Variants in ZNF653 observed in about 807,000 individuals in gnomAD.
ZNF653 encodes zinc finger protein 653.
ZNF653 carries 37 observed loss-of-function variants against 59.9 expected under a neutral mutation model. That is an observed-to-expected ratio of 0.62 (90% CI 0.48 to 0.81). ZNF653 has a LOEUF of 0.81. Among genes scored for constraint, ZNF653 ranks in the 40% least tolerant of loss-of-function variants. ZNF653 has a pLI of 0.00. For synonymous variants in ZNF653, 435 were observed against 371.8 expected (o/e 1.17, Z -1.96); for missense variants, 808 against 881.1 (o/e 0.92, Z 1.05).
At chr19:11,503,578 C>A (rs745391474) in intron 1 of ZNF653, among the ~76,000 whole-genome samples, 1 of 151,888 alleles carries the variant, frequency 6.6e-6, no homozygotes, top group Non-Finnish European at 1.5e-5. Flanking sequence ...AGGCTGAGGA[C>A]GGAGGATCCC....
intron 1 of ZNF653, chr19:11,505,249 C>T (rs1971699396): frequency 2.2e-6 from 1 of 448,016 alleles, no homozygotes; most frequent in Non-Finnish European, 3.9e-6. Context: ...GCCAAGCGCT[C>T]AGAAGGCGGG....
chr19:11,491,203 C>T (rs1971526218), intron 3 of ZNF653, among the ~76,000 whole-genome samples: 1 of 152,190 alleles, frequency 6.6e-6, no homozygotes, highest in African/African-American at 2.4e-5. Context: ...CTCTTCCTGG[C>T]ACCAGCACCG....
chr19:11,491,467 A>AG (rs1473075504), intron 3 of ZNF653, among the ~76,000 whole-genome samples: 1 of 152,174 alleles, frequency 6.6e-6, no homozygotes, highest in African/African-American at 2.4e-5. Context: ...CGAGAGCTGG[A>AG]GTGCGTCTGT....
At chr19:11,493,649 C>T (rs1426390575) in intron 3 of ZNF653, among the ~76,000 whole-genome samples, 1 of 152,222 alleles carries the variant, frequency 6.6e-6, no homozygotes, top group Non-Finnish European at 1.5e-5. Flanking sequence ...GAGCACGCGT[C>T]TGGGTCCACC....
intron 3 of ZNF653, among the ~76,000 whole-genome samples, chr19:11,493,387 G>A (rs1477961258): frequency 6.6e-6 from 1 of 152,152 alleles, no homozygotes; most frequent in East Asian, 1.9e-4. Context: ...GAGTAAATAT[G>A]TATAAGGGTT....
At chr19:11,493,932 T>C (rs1043099730) in intron 3 of ZNF653, among the ~76,000 whole-genome samples, 2 of 151,760 alleles carry the variant, frequency 1.3e-5, no homozygotes, top group Admixed American at 6.6e-5. Context: ...GGTGGGAGGA[T>C]CACTTGAGCC....
Position 11,495,812 on chromosome 19 carries a change from T to G in ZNF653, c.559+138A>C. 2 of 875,648 alleles carry G rather than the reference T, an allele frequency of 2.3e-6. No individual in the cohort carries two copies. The highest frequency in any genetic ancestry group is 3.5e-6 in the Non-Finnish European group (2 of 573,682). The allele number at this position is 875,648 out of a possible 1,614,324, so 54.2% of individuals were successfully genotyped here. On this transcript the variant is annotated intron_variant, in intron 3 of 8. Transcript: ENST00000293771. The surrounding 1 kb of genome is among the most constrained non-coding windows in gnomAD (Gnocchi z 4.9). ...ACGAAGGACTCAGCCTGGCCCATCG[T>G]GTCCCTGCTCTGCCCCAGTGCCAGA...
chr19:11,491,493 A>ATCACCTCCTGTCC, intron 3 of ZNF653, among the ~76,000 whole-genome samples: 1 of 152,230 alleles, frequency 6.6e-6, no homozygotes, highest in African/African-American at 2.4e-5. Flanking sequence ...GAGGTGTTCC[A>ATCACCTCCTGTCC]TCACCTCCTG....
At chr19:11,490,094 T>A (rs888531283) in intron 3 of ZNF653, among the ~76,000 whole-genome samples, 1 of 152,242 alleles carries the variant, frequency 6.6e-6, no homozygotes, top group African/African-American at 2.4e-5. Flanking sequence ...TGGGCTACCC[T>A]GTATGTCTGA....
At chr19:11,490,302 C>T (rs570279723) in intron 3 of ZNF653, among the ~76,000 whole-genome samples, 3 of 152,198 alleles carry the variant, frequency 2.0e-5, no homozygotes, top group Non-Finnish European at 4.4e-5. Flanking sequence ...ATGCCCTCTC[C>T]GGGGGTACCA....
At chr19:11,485,611 T>C in intron 7 of ZNF653, 45 bp downstream of exon 7, 1 of 1,520,220 alleles carries the variant, frequency 6.6e-7, no homozygotes, top group South Asian at 1.1e-5. Flanking sequence ...CAGGCCCATG[T>C]CCCTGTGTCC....
At chr19:11,503,680 T>C (rs1971670592) in intron 1 of ZNF653, among the ~76,000 whole-genome samples, 1 of 151,482 alleles carries the variant, frequency 6.6e-6, no homozygotes, top group Non-Finnish European at 1.5e-5. Context: ...AGGTGGCTCC[T>C]CTGTAGTCCC....
rs1285183435 is a variant in ZNF653 at position 11,498,316 on chromosome 19, T to C, written c.323A>G (p.Lys108Arg). 1.2e-6 allele frequency: 2 copies of C among 1,613,982 alleles called. No homozygotes were observed. The highest frequency in any genetic ancestry group is 1.7e-6 in the Non-Finnish European group (2 of 1,179,948). Residue 108 changes from lysine (K) to arginine (R), a missense_variant, in exon 2 of 9, where the codon AAA (lysine) becomes AGA (arginine). Coordinates refer to ENST00000293771, the MANE Select transcript of ZNF653 (RefSeq NM_138783.4). Reference protein sequence around the residue: ...RHGKPWEQVPKKPKRKKRRRR... With the variant: ...RHGKPWEQVPRKPKRKKRRRR... Reference sequence around the variant, plus strand: ...CTTACTTTTCTTCCGCTTTGGCTTTTTGGGGACCTGCTCCCAAGGCTTCCT... The same window carrying C: ...CTTACTTTTCTTCCGCTTTGGCTTTCTGGGGACCTGCTCCCAAGGCTTCCT...
chr19:11,489,164 T>C lies in ZNF653; in HGVS notation c.560-1261A>G, dbSNP rs117231518. Reference sequence around the variant, plus strand: ...ATCCATCCACCTCGGCTCCCCAAAGTGCTAGAATTATAGTCATGAGCCACC... The same window carrying C: ...ATCCATCCACCTCGGCTCCCCAAAGCGCTAGAATTATAGTCATGAGCCACC... On this transcript the variant is annotated intron_variant, in intron 3 of 8. Transcript: ENST00000293771. Among the ~76,000 whole-genome samples the C allele has an allele frequency of 5.9e-3, 894 of 151,742 alleles. 7 individuals are homozygous for C. The highest frequency in any genetic ancestry group is 0.01 in the Middle Eastern group (3 of 292).
chr19:11,504,715 C>T (rs1971688879), intron 1 of ZNF653: 2 of 294,638 alleles, frequency 6.8e-6, no homozygotes, highest in Admixed American at 6.5e-5. Context: ...AAACGTCATC[C>T]TCGTAAAAGT....
chr19:11,488,041 G>C, intron 3 of ZNF653, 138 bp from the exon 4 acceptor site: 2 of 854,970 alleles, frequency 2.3e-6, no homozygotes, highest in Non-Finnish European at 3.0e-6. Context: ...AGGCTGGAGT[G>C]CAGTGGTGCG....
At position 11,487,432 on chromosome 19, in the gene ZNF653, C is replaced by A; in HGVS notation, c.1031G>T (p.Gly344Val). ...CTCGCCCAGTCCACTGCCGGGGACACCGCTGCCTGCTGCCATGTTGAGGTG... is the reference window on the plus strand; with the variant it reads ...CTCGCCCAGTCCACTGCCGGGGACAACGCTGCCTGCTGCCATGTTGAGGTG... ...GIHLNMAAGSGVPGSGLGEEV... is the reference protein window; with the variant it reads ...GIHLNMAAGSVVPGSGLGEEV... The change falls in exon 4 of 9, where the codon GGT becomes GTT. Residue 344 changes from glycine to valine, a missense_variant. Coordinates refer to ENST00000293771, the MANE Select transcript of ZNF653 (RefSeq NM_138783.4). This position sits in a 1 kb window ranked among gnomAD's most constrained non-coding sequence, Gnocchi z 5.1. 1 of 1,612,342 alleles carries A rather than the reference C, an allele frequency of 6.2e-7. No homozygotes were observed. The highest frequency in any genetic ancestry group is 8.5e-7 in the Non-Finnish European group (1 of 1,179,936).
chr19:11,499,208 G>A (rs1364327733), intron 1 of ZNF653, among the ~76,000 whole-genome samples: 2 of 152,226 alleles, frequency 1.3e-5, no homozygotes, highest in African/African-American at 2.4e-5. Flanking sequence ...CAGTCAGGGA[G>A]CAGAGAAGTA....
chr19:11,490,846 G>C (rs1393152045), intron 3 of ZNF653, among the ~76,000 whole-genome samples: 1 of 152,076 alleles, frequency 6.6e-6, no homozygotes, highest in Non-Finnish European at 1.5e-5. Flanking sequence ...GCAACACTGG[G>C]CTCTGTATCT....
Sources: gnomAD v4.1 joint callset for allele counts (sites outside exome capture counted in the v4.1 genomes callset) on GRCh38, gnomAD v4.1.1 for gene constraint, Gnocchi (gnomAD v3.1) non-coding constraint, MANE v1.5 for transcripts, NCBI Gene and HGNC (gene_info 2026-07-23, HGNC 2026-07-21) for gene names.